ZNF654: variants seen among roughly 807,000 people sequenced by gnomAD.
ZNF654 encodes the protein melanoma-associated antigen.
Under a neutral mutation model 95.3 loss-of-function variants are expected in ZNF654, and 19 were observed. The observed-to-expected ratio is 0.20, with a 90% CI of 0.14 to 0.29. ZNF654 has a LOEUF of 0.29. Ranked by LOEUF, ZNF654 falls within the 10% of genes least tolerant of loss-of-function variation. The pLI, the probability that ZNF654 is intolerant of heterozygous loss-of-function variation, is 1.00. For missense variants in ZNF654, 1,046 were observed against 1,341.0 expected (o/e 0.78, Z 3.44); for synonymous variants, 413 against 457.9 (o/e 0.90, Z 1.25).
At chr3:88,105,736 G>T (rs1328154207) in intron 2 of ZNF654, among the ~76,000 whole-genome samples, 2 of 152,030 alleles carry the variant, frequency 1.3e-5, no homozygotes, top group Non-Finnish European at 2.9e-5. Context: ...TGGCATCTTG[G>T]TATATTTTTA....
chr3:88,114,129 A>G (rs542297206), intron 3 of ZNF654, among the ~76,000 whole-genome samples: 4 of 152,150 alleles, frequency 2.6e-5, no homozygotes, highest in African/African-American at 2.4e-5. Flanking sequence ...AAATCTTCCT[A>G]TTGTGGAGTT....
intron 7 of ZNF654, among the ~76,000 whole-genome samples, chr3:88,136,590 T>C (rs1006936772): frequency 2.0e-5 from 3 of 152,160 alleles, no homozygotes; most frequent in African/African-American, 4.8e-5. Flanking sequence ...TACAGAGCAC[T>C]TTTTCCTCAT....
intron 3 of ZNF654, among the ~76,000 whole-genome samples, chr3:88,113,687 C>G (rs1705226116): frequency 6.6e-6 from 1 of 152,080 alleles, no homozygotes; most frequent in Admixed American, 6.6e-5. Flanking sequence ...AGATGAAAGA[C>G]ATTTGATCTT....
chr3:88,129,941 AATTG>A lies in ZNF654; in HGVS notation c.893+120_893+123del, dbSNP rs1260984460. 8 of 988,260 alleles carry A rather than the reference AATTG, an allele frequency of 8.1e-6. No homozygotes were observed. The Admixed American group carries it at 9.9e-5, about 12-fold the overall frequency. The allele number at this position is 988,260 out of a possible 1,614,324, so 61.2% of individuals were successfully genotyped here. On this transcript the variant is annotated intron_variant, in intron 6 of 8. Coordinates refer to ENST00000636215, the MANE Select transcript of ZNF654 (RefSeq NM_001350134.2). ...AAATGTCAAGCTACTTTTAAAAAAA[AATTG>A]ATTGTGCAAGGAACAATAGTAGATT... is the stretch of plus-strand genomic sequence containing the variant.
intron 1 of ZNF654, among the ~76,000 whole-genome samples, chr3:88,065,322 C>T (rs1707133132): frequency 6.6e-6 from 1 of 151,746 alleles, no homozygotes; most frequent in Non-Finnish European, 1.5e-5. Context: ...GGTTGACTTT[C>T]AGAGTTGAGT....
chr3:88,103,204 A>G (rs1704536198), intron 2 of ZNF654, among the ~76,000 whole-genome samples: 1 of 152,186 alleles, frequency 6.6e-6, no homozygotes, highest in African/African-American at 2.4e-5. Context: ...TAAGAGATAA[A>G]GCAATCAGTA....
intron 2 of ZNF654, among the ~76,000 whole-genome samples, chr3:88,096,814 T>C (rs1704089872): frequency 6.6e-6 from 1 of 152,138 alleles, no homozygotes; most frequent in Non-Finnish European, 1.5e-5. Flanking sequence ...GTCCCCTAGT[T>C]TCCTAGTTTC....
intron 2 of ZNF654, among the ~76,000 whole-genome samples, chr3:88,109,156 TG>T: frequency 6.6e-6 from 1 of 151,278 alleles, no homozygotes; most frequent in African/African-American, 2.4e-5. Context: ...TGTGTGTGTG[TG>T]TGTGTGTGTG....
chr3:88,111,691 C>T (rs1200014175), intron 2 of ZNF654, among the ~76,000 whole-genome samples: 3 of 151,640 alleles, frequency 2.0e-5, no homozygotes, highest in Admixed American at 6.6e-5. Flanking sequence ...ATGTATATTT[C>T]GAGGATGAAA....
chr3:88,123,027 GTAAAAAGA>G (rs1250553948), intron 3 of ZNF654, among the ~76,000 whole-genome samples: 20 of 143,440 alleles, frequency 1.4e-4, no homozygotes, highest in Middle Eastern at 3.6e-3. Flanking sequence ...AAAAAAAAAA[GTAAAAAGA>G]AAAAAAGAAA....
intron 1 of ZNF654, among the ~76,000 whole-genome samples, chr3:88,077,602 G>T (rs1707882140): frequency 6.6e-6 from 1 of 152,050 alleles, no homozygotes; most frequent in Non-Finnish European, 1.5e-5. Flanking sequence ...TTGCATTTGT[G>T]GGAATGTCAG....
chr3:88,059,373 G>T lies in ZNF654; in HGVS notation c.54G>T (p.Val18=). 1.3e-6 allele frequency: 2 copies of T among 1,535,382 alleles called. No homozygotes were observed. The highest frequency in any genetic ancestry group is 1.7e-6 in the Non-Finnish European group (2 of 1,146,726). The change falls in exon 1 of 9, where the codon GTG becomes GTT. Residue 18 remains valine (V), a synonymous_variant. Transcript: ENST00000636215. ...QEAERLGEEL[V]AIVESPLGPV... Reference sequence around the variant, plus strand: ...CCGAACGCCTCGGAGAAGAGCTTGTGGCCATTGTGGAGTCCCCGCTGGGCC... The same window carrying T: ...CCGAACGCCTCGGAGAAGAGCTTGTTGCCATTGTGGAGTCCCCGCTGGGCC...
intron 1 of ZNF654, among the ~76,000 whole-genome samples, chr3:88,062,915 T>G (rs1196168779): frequency 6.6e-6 from 1 of 152,256 alleles, no homozygotes; most frequent in African/African-American, 2.4e-5. Flanking sequence ...ACATTAGAGA[T>G]AATCTGTAGG....
At chr3:88,107,020 A>G (rs1352813191) in intron 2 of ZNF654, among the ~76,000 whole-genome samples, 1 of 152,212 alleles carries the variant, frequency 6.6e-6, no homozygotes, top group Non-Finnish European at 1.5e-5. Context: ...AGGCTTTACA[A>G]AATTGGCTGG....
chr3:88,064,334 A>C (rs1707074008), intron 1 of ZNF654, among the ~76,000 whole-genome samples: 1 of 152,004 alleles, frequency 6.6e-6, no homozygotes, highest in African/African-American at 2.4e-5. Flanking sequence ...TATTGATCTC[A>C]CTATTGAGCA....
chr3:88,080,904 A>G (rs1345829153), intron 1 of ZNF654, among the ~76,000 whole-genome samples: 2 of 152,216 alleles, frequency 1.3e-5, no homozygotes, highest in Non-Finnish European at 2.9e-5. Flanking sequence ...TAACATTGGT[A>G]CAATAGTCAC....
intron 2 of ZNF654, among the ~76,000 whole-genome samples, chr3:88,107,941 A>G (rs1282592298): frequency 1.3e-5 from 2 of 151,988 alleles, no homozygotes; most frequent in East Asian, 3.9e-4. Context: ...GGCCTTGTTC[A>G]TAGTGCTGTG....
chr3:88,133,750 G>T (rs1306735570), intron 6 of ZNF654, among the ~76,000 whole-genome samples: 1 of 152,088 alleles, frequency 6.6e-6, no homozygotes, highest in Non-Finnish European at 1.5e-5. Context: ...CACGGAGGCT[G>T]AAAACAGATC....
chr3:88,069,376 G>C (rs9864564), intron 1 of ZNF654, among the ~76,000 whole-genome samples: 142,998 of 152,232 alleles, frequency 0.94, 67,707 homozygotes, highest in Non-Finnish European at 1. Flanking sequence ...GAGTCTAGAT[G>C]GCGCCGCTGC....
Sources: gnomAD v4.1 joint callset for allele counts (sites outside exome capture counted in the v4.1 genomes callset) on GRCh38, gnomAD v4.1.1 for gene constraint, MANE v1.5 for transcripts, NCBI Gene and HGNC (gene_info 2026-07-23, HGNC 2026-07-21) for gene names.